The following MYO7B variants were observed in gnomAD, a reference collection of about 807,000 sequenced individuals.
MYO7B encodes unconventional myosin-VIIb.
In MYO7B, 212 loss-of-function variants were observed where a neutral mutation model predicts 259.7. The ratio of observed to expected loss-of-function variants is 0.82; its 90% CI spans 0.73 to 0.91. The LOEUF (loss-of-function observed/expected upper bound fraction) is 0.91, where lower values mean the gene tolerates loss of function less well. Ranked by LOEUF, MYO7B falls within the 40% of genes least tolerant of loss-of-function variation. MYO7B has a pLI of 0.00. For missense variants in MYO7B, 2,732 were observed against 2,813.5 expected, an observed-to-expected ratio of 0.97 and a Z score of 0.66; for synonymous variants, 1,197 against 1,166.4, an observed-to-expected ratio of 1.03 and a Z score of -0.54.
At chr2:127,552,473 T>A (rs111651223) in intron 1 of MYO7B, among the ~76,000 whole-genome samples, 10 of 152,196 alleles carry the variant, frequency 6.6e-5, no homozygotes, top group African/African-American at 2.4e-4. Flanking sequence ...CCACAGCTTC[T>A]GAAGCGGAGC....
chr2:127,553,037 T>A (rs1693508566), intron 1 of MYO7B, among the ~76,000 whole-genome samples: 1 of 152,196 alleles, frequency 6.6e-6, no homozygotes, highest in African/African-American at 2.4e-5. Context: ...CAGCAGCATT[T>A]CTTCTCAGAG....
intron 24 of MYO7B, 81 bp from the exon 25 acceptor site, chr2:127,612,169 T>C: frequency 2.0e-6 from 1 of 510,800 alleles, no homozygotes; most frequent in Admixed American, 2.3e-5. Flanking sequence ...GGACACGTGC[T>C]CCACCCCAGG....
chr2:127,605,975 C>A, intron 20 of MYO7B, 47 bp downstream of exon 20: 2 of 1,488,758 alleles, frequency 1.3e-6, no homozygotes, highest in Non-Finnish European at 1.9e-6. Flanking sequence ...CAGCGGGTAA[C>A]TGTCCAGTAA....
chr2:127,631,258 C>A lies in MYO7B; in HGVS notation c.4990C>A (p.Arg1664Ser). 6.2e-7 allele frequency: 1 copy of A among 1,611,168 alleles called. No individual in the cohort carries two copies. The highest frequency in any genetic ancestry group is 8.5e-7 in the Non-Finnish European group (1 of 1,178,764). The change falls in exon 37 of 48, where the codon CGT becomes AGT. Residue 1664 changes from arginine (R) to serine (S), a missense_variant. Arg to Ser is a moderately radical substitution (Grantham distance 110, BLOSUM62 -1). This residue lies in a region of MYO7B where 821 missense variants were observed against 769.3 expected (regional missense o/e 1.07). Coordinates refer to ENST00000409816, the MANE Select transcript of MYO7B (RefSeq NM_001393586.1). ...GGCCGTGCTGCCCCTGGCCCGTGCC[C>A]GTGGCCACCTGTGGGCCTATTCCTG... ...SMAVLPLARA[R>S]GHLWAYSCEP... is the part of the protein sequence containing the mutation.
chr2:127,563,811 C>A (rs1678205848), intron 2 of MYO7B, among the ~76,000 whole-genome samples: 2 of 152,216 alleles, frequency 1.3e-5, no homozygotes, highest in African/African-American at 4.8e-5. Flanking sequence ...GCTTGAGAAG[C>A]ACTTTCTCTC....
intron 4 of MYO7B, 98 bp downstream of exon 4, chr2:127,565,483 C>T (rs1238658217): frequency 7.6e-6 from 11 of 1,455,180 alleles, no homozygotes; most frequent in African/African-American, 1.4e-5. Context: ...CACTGCCCCC[C>T]ATGCCCTCAC....
intron 18 of MYO7B, among the ~76,000 whole-genome samples, chr2:127,595,642 G>A (rs1281291447): frequency 1.3e-5 from 2 of 152,204 alleles, no homozygotes; most frequent in African/African-American, 2.4e-5. Context: ...TGCTTTAGCT[G>A]TGTCCCAGAG....
At chr2:127,553,883 T>G (rs1355997179) in intron 1 of MYO7B, among the ~76,000 whole-genome samples, 1 of 152,178 alleles carries the variant, frequency 6.6e-6, no homozygotes, top group Non-Finnish European at 1.5e-5. Flanking sequence ...AGTATTATGT[T>G]GGCTGTGGAT....
rs778353546 is a variant in MYO7B, at chr2:127,629,698, A to C, written c.4678A>C (p.Lys1560Gln). Residue 1560 changes from lysine to glutamine, a missense_variant, in exon 35 of 48, where the codon AAG (lysine) becomes CAG (glutamine). Physicochemically the swap from Lys to Gln is moderately conservative, Grantham distance 53. This residue lies in a region of MYO7B where 821 missense variants were observed against 769.3 expected (regional missense o/e 1.07). Coordinates refer to ENST00000409816, the MANE Select transcript of MYO7B (RefSeq NM_001393586.1). ...KKGDLLVLTK[K>Q]QGLLASENWT... ...GGGGGACCTGTTGGTCCTCACAAAGAAGCAGGGGCTGCTGGCCTCTGAGAA... is the reference window on the plus strand; with the variant it reads ...GGGGGACCTGTTGGTCCTCACAAAGCAGCAGGGGCTGCTGGCCTCTGAGAA... 6.2e-7 allele frequency: 1 copy of C among 1,612,276 alleles called. No individual in the cohort carries two copies. The highest frequency in any genetic ancestry group is 8.5e-7 in the Non-Finnish European group (1 of 1,179,372).
chr2:127,614,503 G>A lies in MYO7B; in HGVS notation c.3398+1900G>A, dbSNP rs185590077. 3.9e-4 allele frequency among the ~76,000 whole-genome samples: 60 copies of A among 152,218 alleles called. No homozygotes were observed. Among genetic ancestry groups the A allele is most frequent in the Admixed American group, 9.8e-4 (15 of 15,288 alleles). ...CAGAATTCTCCAGGAACAAGCAGGCGCTAATGTCTTTGTTCATGGAGGTCC... is the reference window on the plus strand; with the variant it reads ...CAGAATTCTCCAGGAACAAGCAGGCACTAATGTCTTTGTTCATGGAGGTCC... On this transcript the variant is annotated intron_variant, in intron 26 of 47. Coordinates refer to ENST00000409816, the MANE Select transcript of MYO7B (RefSeq NM_001393586.1). This position sits in a 1 kb window ranked among gnomAD's most constrained non-coding sequence, Gnocchi z 4.6.
chr2:127,635,781 G>C lies in MYO7B; in HGVS notation c.5880G>C (p.Leu1960=), dbSNP rs1233976974. The C allele has an allele frequency of 5.0e-6, 8 of 1,599,084 alleles. No homozygotes were observed. The highest frequency in any genetic ancestry group is 6.8e-6 in the Non-Finnish European group (8 of 1,173,110). ...HKCSREDAIH[L]AGLIYKAQFN... ...GTTCGCGGGAGGATGCCATCCACCT[G>C]GCGGGCCTCATCTACAAGGCCCAGT... The change falls in exon 44 of 48, where the codon CTG becomes CTC. Residue 1960 remains leucine (L), a synonymous_variant. Transcript: ENST00000409816.
chr2:127,637,222 G>T, intron 47 of MYO7B, 94 bp from the exon 48 acceptor site: 1 of 1,012,952 alleles, frequency 9.9e-7, no homozygotes, highest in Non-Finnish European at 1.5e-6. Context: ...GCCCTGCACT[G>T]CTGGTTGCTG....
chr2:127,620,498 G>T (rs765349250), intron 27 of MYO7B, 32 bp downstream of exon 27: 1 of 1,509,942 alleles, frequency 6.6e-7, no homozygotes, highest in South Asian at 1.3e-5. Flanking sequence ...GGGCGGGCAG[G>T]GGGCAGGTTC....
intron 7 of MYO7B, among the ~76,000 whole-genome samples, chr2:127,574,581 A>G (rs1359801920): frequency 6.6e-6 from 1 of 152,088 alleles, no homozygotes; most frequent in Non-Finnish European, 1.5e-5. Context: ...ATTCACATAC[A>G]TTTCTTCTTT....
chr2:127,595,870 T>C (rs1296422342), intron 18 of MYO7B, among the ~76,000 whole-genome samples: 1 of 152,190 alleles, frequency 6.6e-6, no homozygotes, highest in African/African-American at 2.4e-5. Context: ...TTGCTGAGGG[T>C]GTTTTACTTC....
Position 127,569,815 on chromosome 2 carries a change from A to G in MYO7B, c.497A>G (p.Glu166Gly). Reference sequence around the variant, plus strand: ...GGCGAGTCTGGGGCTGGCAAGACGGAGACCACCAAGCTCATCCTGCAGTTC... The same window carrying G: ...GGCGAGTCTGGGGCTGGCAAGACGGGGACCACCAAGCTCATCCTGCAGTTC... The part of the protein sequence containing the change: ...ISGESGAGKT[E>G]TTKLILQFLA... The change falls in exon 6 of 48, where the codon GAG becomes GGG. Residue 166 changes from glutamate (E) to glycine (G), a missense_variant. This residue lies in a region of MYO7B where 1,906 missense variants were observed against 2,026.4 expected (regional missense o/e 0.94). Coordinates refer to ENST00000409816, the MANE Select transcript of MYO7B (RefSeq NM_001393586.1). 11 of 1,612,678 alleles carry G rather than the reference A, an allele frequency of 6.8e-6. No individual in the cohort carries two copies. Among genetic ancestry groups the G allele is most frequent in the Non-Finnish European group, 9.3e-6 (11 of 1,179,090 alleles).
At chr2:127,587,568 CTTTT>C (rs61624532) in intron 14 of MYO7B, among the ~76,000 whole-genome samples, 3 of 122,422 alleles carry the variant, frequency 2.5e-5, no homozygotes, top group Non-Finnish European at 3.4e-5. Context: ...TTCTTTCTTT[CTTTT>C]TTTTTTTTTT....
In MYO7B at chr2:127,584,215, G is replaced by A. The variant is rs200853784; in HGVS notation, c.1437G>A (p.Ser479=). ...VFTMEQEEYR[S]ENISWDYIHY... ...CCATGGAGCAAGAGGAGTACCGCTC[G>A]GAGAACATCTCCTGGGACTATATCC... is the stretch of plus-strand genomic sequence containing the variant. The change falls in exon 13 of 48, where the codon TCG becomes TCA. Residue 479 remains serine, a synonymous_variant. Transcript: ENST00000409816. This position sits in a 1 kb window ranked among gnomAD's most constrained non-coding sequence, Gnocchi z 5.8. 33 of 1,613,966 alleles carry A rather than the reference G, an allele frequency of 2.0e-5. No homozygotes were observed. The highest frequency in any genetic ancestry group is 1.6e-4 in the East Asian group (7 of 44,870).
chr2:127,544,695 C>T (rs1400029543), intron 1 of MYO7B, among the ~76,000 whole-genome samples: 1 of 151,960 alleles, frequency 6.6e-6, no homozygotes, highest in East Asian at 1.9e-4. Flanking sequence ...ATTCTCCTGC[C>T]TCAGCCTCCC....
Sources: gnomAD v4.1 joint callset for allele counts (sites outside exome capture counted in the v4.1 genomes callset) on GRCh38, gnomAD v4.1.1 for gene constraint, gnomAD v4.1.1 regional missense constraint, Gnocchi (gnomAD v3.1) non-coding constraint, MANE v1.5 for transcripts, NCBI Gene and HGNC (gene_info 2026-07-23, HGNC 2026-07-21) for gene names.